The following CNTNAP4 variants were observed in gnomAD, a reference collection of about 807,000 sequenced individuals.
The protein encoded by CNTNAP4 is contactin associated protein family member 4, also known as contactin-associated protein-like 4.
CNTNAP4 carries 98 observed loss-of-function variants against 148.4 expected under a neutral mutation model. That is an observed-to-expected ratio of 0.66 (90% CI 0.56 to 0.78). CNTNAP4 has a LOEUF of 0.78. CNTNAP4 is among the 30% of genes least tolerant of loss of function. CNTNAP4 has a pLI of 0.00. For synonymous variants in CNTNAP4, 730 were observed against 565.1 expected, an observed-to-expected ratio of 1.29 and a Z score of -4.14; for missense variants, 1,935 against 1,565.6, an observed-to-expected ratio of 1.24 and a Z score of -3.98.
intron 9 of CNTNAP4, among the ~76,000 whole-genome samples, chr16:76,466,910 C>A (rs1478963273): frequency 4.6e-5 from 7 of 151,978 alleles, no homozygotes; most frequent in Non-Finnish European, 8.8e-5. Context: ...AAATAGTTAG[C>A]TTTATAAATA....
rs35994137 is a variant in CNTNAP4 at position 76,461,945 on chromosome 16, C to T, written c.1334-11C>T. ...ATTGAGAGCGATCTCTAACTGATTTCATCTCCCTAGGTGTCGAATTAAATG... is the reference window on the plus strand; with the variant it reads ...ATTGAGAGCGATCTCTAACTGATTTTATCTCCCTAGGTGTCGAATTAAATG... On this transcript the variant is annotated splice_polypyrimidine_tract_variant and intron_variant, in intron 8 of 23. Transcript: ENST00000611870. 8.7e-6 allele frequency: 14 copies of T among 1,612,114 alleles called. No homozygotes were observed. In the South Asian group the frequency reaches 1.3e-4, roughly 15 times the overall value.
intron 10 of CNTNAP4, among the ~76,000 whole-genome samples, chr16:76,470,122 A>T (rs1470967010): frequency 6.6e-6 from 1 of 152,100 alleles, no homozygotes; most frequent in African/African-American, 2.4e-5. Flanking sequence ...AAGTATGGAA[A>T]CAGATGCACA....
chr16:76,449,991 G>A (rs1392291227), intron 7 of CNTNAP4, 133 bp downstream of exon 7: 1 of 681,792 alleles, frequency 1.5e-6, no homozygotes, highest in East Asian at 3.1e-5. Context: ...TCTTTGATTG[G>A]CAATATGCAT....
At chr16:76,532,698 C>A (rs574569357) in intron 17 of CNTNAP4, among the ~76,000 whole-genome samples, 3 of 152,226 alleles carry the variant, frequency 2.0e-5, no homozygotes, top group Admixed American at 2.0e-4. Context: ...GCAAAAAGTT[C>A]CTGTGCCAAA....
At chr16:76,410,750 AC>A (rs1053142075) in intron 3 of CNTNAP4, among the ~76,000 whole-genome samples, 49 of 151,814 alleles carry the variant, frequency 3.2e-4, no homozygotes, top group African/African-American at 1.2e-3. Context: ...AAAATAACAC[AC>A]CATCATACAT....
intron 21 of CNTNAP4, among the ~76,000 whole-genome samples, chr16:76,542,667 C>G (rs2084513487): frequency 6.6e-6 from 1 of 152,176 alleles, no homozygotes; most frequent in Non-Finnish European, 1.5e-5. Context: ...TGCTGAACAT[C>G]AGGCTCACAG....
At chr16:76,331,075 A>G (rs1938848178) in intron 2 of CNTNAP4, among the ~76,000 whole-genome samples, 2 of 152,186 alleles carry the variant, frequency 1.3e-5, no homozygotes, top group Non-Finnish European at 2.9e-5. Context: ...AATTTTGTGA[A>G]ATCACTATAT....
At chr16:76,520,817 C>T (rs904871934) in intron 15 of CNTNAP4, among the ~76,000 whole-genome samples, 2 of 152,054 alleles carry the variant, frequency 1.3e-5, no homozygotes, top group African/African-American at 4.8e-5. Context: ...TTTGGCAGAT[C>T]GTATAATATC....
In CNTNAP4 at chr16:76,277,698, A is replaced by G. The variant is rs1958529922; in HGVS notation, c.36A>G (p.Leu12=). 1 of 1,606,090 alleles carries G rather than the reference A, an allele frequency of 6.2e-7. No individual in the cohort carries two copies. The highest frequency in any genetic ancestry group is 8.5e-7 in the Non-Finnish European group (1 of 1,175,920). ...TCACGGGAGCTGTCCTCAAGACGCT[A>G]CTTCTGTTATCTACTCAAAATTGGA... ...GSVTGAVLKT[L]LLLSTQNWNR... The change falls in exon 1 of 24, where the codon CTA becomes CTG. Residue 12 remains leucine, a synonymous_variant. Transcript: ENST00000611870.
chr16:76,384,691 A>C (rs987595451), intron 3 of CNTNAP4, among the ~76,000 whole-genome samples: 1 of 152,188 alleles, frequency 6.6e-6, no homozygotes, highest in Non-Finnish European at 1.5e-5. Flanking sequence ...CCTTGTTATT[A>C]GTCATGCTTC....
At chr16:76,318,717 G>T (rs1567685524) in intron 2 of CNTNAP4, among the ~76,000 whole-genome samples, 2 of 148,354 alleles carry the variant, frequency 1.3e-5, no homozygotes, top group East Asian at 2.0e-4. Context: ...TTATTAGAGA[G>T]AATAAATTAA....
Position 76,558,478 on chromosome 16 carries a change from T to G in CNTNAP4, c.3734-12T>G. 6.6e-7 allele frequency: 1 copy of G among 1,519,092 alleles called. No homozygotes were observed. The allele number at this position is 1,519,092 out of a possible 1,614,324, so 94.1% of individuals were successfully genotyped here. ...CAGAAATTCTGACTTTATATTTCTT[T>G]TCTCTCTCTAGGTCTGATAGCTGTT... is the stretch of plus-strand genomic sequence containing the variant. On this transcript the variant is annotated splice_polypyrimidine_tract_variant and intron_variant, in intron 23 of 23. Coordinates refer to ENST00000611870, the MANE Select transcript of CNTNAP4 (RefSeq NM_033401.5).
intron 15 of CNTNAP4, among the ~76,000 whole-genome samples, chr16:76,511,367 T>A (rs1188091552): frequency 1.3e-5 from 2 of 152,188 alleles, no homozygotes; most frequent in Non-Finnish European, 1.5e-5. Flanking sequence ...AAATCACAGC[T>A]GCCCAGAGTG....
intron 2 of CNTNAP4, among the ~76,000 whole-genome samples, chr16:76,338,583 C>T (rs1964209172): frequency 6.6e-6 from 1 of 152,196 alleles, no homozygotes; most frequent in South Asian, 2.1e-4. Flanking sequence ...ACACCCTGAA[C>T]TTCTCAAGTG....
intron 12 of CNTNAP4, among the ~76,000 whole-genome samples, chr16:76,480,907 T>G (rs960021630): frequency 6.6e-6 from 1 of 152,088 alleles, no homozygotes; most frequent in Non-Finnish European, 1.5e-5. Context: ...ATTCTAAAAT[T>G]ATGAGTAAAT....
chr16:76,317,278 CA>C (rs11355823), intron 2 of CNTNAP4, among the ~76,000 whole-genome samples: 30,207 of 117,556 alleles, frequency 0.26, 4,376 homozygotes, highest in African/African-American at 0.47. Flanking sequence ...AAAAAAAAAC[CA>C]AAAAAAAAAA....
At chr16:76,474,484 A>C (rs1727130487) in intron 10 of CNTNAP4, among the ~76,000 whole-genome samples, 1 of 152,182 alleles carries the variant, frequency 6.6e-6, no homozygotes, top group African/African-American at 2.4e-5. Context: ...AATCCATAAT[A>C]TCTCTTTCAG....
intron 3 of CNTNAP4, among the ~76,000 whole-genome samples, chr16:76,422,676 T>C (rs372212738): frequency 6.6e-6 from 1 of 152,146 alleles, no homozygotes; most frequent in Admixed American, 6.6e-5. Context: ...TGCCACTTTC[T>C]AGCTGTGTGA....
intron 1 of CNTNAP4, among the ~76,000 whole-genome samples, chr16:76,299,557 C>G (rs1218789774): frequency 2.6e-5 from 4 of 152,088 alleles, no homozygotes; most frequent in Admixed American, 6.6e-5. Flanking sequence ...GGACTGTAAA[C>G]TAGTTCAACC....
Sources: allele counts gnomAD v4.1 joint callset (sites outside exome capture counted in the v4.1 genomes callset), GRCh38; gene constraint gnomAD v4.1.1; transcripts MANE v1.5; gene names NCBI Gene and HGNC (gene_info 2026-07-23, HGNC 2026-07-21).